The following PDE4D variants were observed in gnomAD, a reference collection of about 807,000 sequenced individuals.
The protein encoded by PDE4D is phosphodiesterase 4D, also known as 3',5'-cyclic-AMP phosphodiesterase 4D.
In PDE4D, 24 loss-of-function variants were observed where a neutral mutation model predicts 87.4. The ratio of observed to expected loss-of-function variants is 0.27; its 90% CI spans 0.20 to 0.39. PDE4D has a LOEUF of 0.39. PDE4D is among the 10% of genes least tolerant of loss of function. PDE4D has a pLI of 1.00. For missense variants in PDE4D, 714 were observed against 1,041.0 expected (o/e 0.69, Z 4.32); for synonymous variants, 384 against 383.2 (o/e 1.00, Z -0.02).
intron 5 of PDE4D, among the ~76,000 whole-genome samples, chr5:59,170,881 CTTT>C (rs1260829199): frequency 2.9e-5 from 4 of 138,546 alleles, no homozygotes; most frequent in Admixed American, 7.3e-5. Flanking sequence ...TATACTTTCA[CTTT>C]TTTTTTTTTT....
intron 1 of PDE4D, among the ~76,000 whole-genome samples, chr5:59,269,545 C>T (rs1017339613): frequency 3.9e-5 from 6 of 152,098 alleles, no homozygotes; most frequent in South Asian, 2.1e-4. Flanking sequence ...GACTCTCCCG[C>T]GGTAAGGCAG....
At chr5:60,127,301 A>C (rs1156542716) in intron 2 of PDE4D, among the ~76,000 whole-genome samples, 1 of 152,208 alleles carries the variant, frequency 6.6e-6, no homozygotes, top group East Asian at 1.9e-4. Flanking sequence ...AATAGTCTTA[A>C]GAACAATGGG....
At chr5:59,017,516 C>T (rs1490065804) in intron 6 of PDE4D, among the ~76,000 whole-genome samples, 5 of 152,154 alleles carry the variant, frequency 3.3e-5, no homozygotes, top group Non-Finnish European at 5.9e-5. Flanking sequence ...ATTTCTTACT[C>T]TTCAAAGACA....
intron 5 of PDE4D, among the ~76,000 whole-genome samples, chr5:59,042,670 GAAAT>G (rs1437731804): frequency 6.6e-6 from 1 of 152,212 alleles, no homozygotes; most frequent in African/African-American, 2.4e-5. Flanking sequence ...CAGCAACTGA[GAAAT>G]AAATTGAGCC....
At chr5:59,692,002 G>A (rs1452633378) in intron 1 of PDE4D, among the ~76,000 whole-genome samples, 2 of 152,028 alleles carry the variant, frequency 1.3e-5, no homozygotes, top group Non-Finnish European at 2.9e-5. Flanking sequence ...CTATAAGTAG[G>A]TCATAGATAT....
chr5:59,911,498 G>A (rs1753435193), intron 3 of PDE4D, among the ~76,000 whole-genome samples: 1 of 152,098 alleles, frequency 6.6e-6, no homozygotes, highest in South Asian at 2.1e-4. Context: ...CCCAGTCTCT[G>A]AATTTTCAGA....
At chr5:60,427,665 G>A (rs1405009328) in intron 1 of PDE4D, among the ~76,000 whole-genome samples, 1 of 152,182 alleles carries the variant, frequency 6.6e-6, no homozygotes, top group Non-Finnish European at 1.5e-5. Context: ...AAAGTAGTAT[G>A]TTTTCTTTCT....
rs1487109371 is a variant in PDE4D at position 59,225,304 on chromosome 5, A to G, written c.456-9336T>C. Among the ~76,000 whole-genome samples the G allele has an allele frequency of 2.0e-5, 3 of 152,236 alleles. No homozygotes were observed. In the East Asian group the frequency reaches 5.8e-4, roughly 29 times the overall value. On this transcript the variant is annotated intron_variant, in intron 1 of 14. Transcript: ENST00000340635. ...ATTCTGGACATCCTTGTCAAAGATC[A>G]GTTGACTGTGTATGTGTGAGTTTAT...
intron 2 of PDE4D, among the ~76,000 whole-genome samples, chr5:60,048,418 C>A (rs906478277): frequency 8.6e-5 from 13 of 151,962 alleles, no homozygotes; most frequent in African/African-American, 3.1e-4. Flanking sequence ...ACGATGTTAG[C>A]TGGCTATTTT....
chr5:59,096,239 C>G (rs1769690014), intron 5 of PDE4D, among the ~76,000 whole-genome samples: 1 of 152,110 alleles, frequency 6.6e-6, no homozygotes. Context: ...CACTGCTCCC[C>G]TTTCCCTTAA....
At chr5:59,083,482 A>G (rs1353749) in intron 5 of PDE4D, among the ~76,000 whole-genome samples, 66,113 of 151,672 alleles carry the variant, frequency 0.44, 15,458 homozygotes, top group East Asian at 0.76. Flanking sequence ...CTTTTCCATC[A>G]TATTTTATAT....
intron 2 of PDE4D, among the ~76,000 whole-genome samples, chr5:60,045,843 C>T (rs567396956): frequency 4.0e-4 from 61 of 152,200 alleles, no homozygotes; most frequent in Non-Finnish European, 1.6e-4. Flanking sequence ...CTTGGTGATG[C>T]GGGCTCTTTT....
intron 3 of PDE4D, among the ~76,000 whole-genome samples, chr5:59,958,465 C>G (rs1215701805): frequency 6.6e-6 from 1 of 152,116 alleles, no homozygotes; most frequent in Non-Finnish European, 1.5e-5. Context: ...ATTTGCATAT[C>G]TATTTATGTG....
rs1011776907 is a variant in PDE4D at position 60,430,074 on chromosome 5, G to C, written c.-90+57868C>G. Reference sequence around the variant, plus strand: ...TTCCTTTGGCCCAGACAGCTTTGTTGAGCCTGGTATCAAAGTGTGCATCTG... The same window carrying C: ...TTCCTTTGGCCCAGACAGCTTTGTTCAGCCTGGTATCAAAGTGTGCATCTG... On this transcript the variant is annotated intron_variant, in intron 1 of 16. Coordinates refer to the PDE4D transcript ENST00000502484. The C allele has an allele frequency of 5.7e-6, 3 of 523,758 alleles. No individual in the cohort carries two copies. In the African/African-American group the frequency reaches 5.8e-5, roughly 10 times the overall value. The allele number at this position is 523,758 out of a possible 1,614,324, so 32.4% of individuals were successfully genotyped here. A position where few individuals can be genotyped will look rare whatever the true frequency, so the allele number is the denominator to read the frequency against.
intron 1 of PDE4D, among the ~76,000 whole-genome samples, chr5:59,515,125 C>T (rs572316708): frequency 6.6e-6 from 1 of 152,156 alleles, no homozygotes; most frequent in Non-Finnish European, 1.5e-5. Context: ...CAACCATTCA[C>T]GATAAAAATG....
intron 1 of PDE4D, among the ~76,000 whole-genome samples, chr5:60,346,097 A>C (rs1758726728): frequency 6.6e-6 from 1 of 152,162 alleles, no homozygotes. Context: ...GGTTTGTAAA[A>C]ATCTTTAAAA....
At chr5:60,131,419 C>T (rs535053315) in intron 2 of PDE4D, among the ~76,000 whole-genome samples, 37 of 152,268 alleles carry the variant, frequency 2.4e-4, no homozygotes, top group African/African-American at 8.2e-4. Context: ...CAGTCTGTTG[C>T]GATATCCTTT....
At position 59,071,564 on chromosome 5, in the gene PDE4D, A is replaced by G. The variant is rs1215394323; in HGVS notation, c.809-32593T>C. ...GAGTTGTTTTTTTTTTTTCCATAGC[A>G]TCTGCTTTTGTTTCGTGGAAGCAAT... On this transcript the variant is annotated intron_variant, in intron 5 of 14. Coordinates refer to ENST00000340635, the MANE Select transcript of PDE4D (RefSeq NM_001104631.2). 8.0e-5 allele frequency among the ~76,000 whole-genome samples: 11 copies of G among 138,072 alleles called. No individual in the cohort carries two copies. The East Asian group carries it at 2.2e-3, about 28-fold the overall frequency. 90.6% of individuals were successfully genotyped at this position (138,072 alleles called of 152,430 possible).
intron 2 of PDE4D, among the ~76,000 whole-genome samples, chr5:60,038,322 C>A (rs1582302378): frequency 6.6e-6 from 1 of 152,108 alleles, no homozygotes; most frequent in Non-Finnish European, 1.5e-5. Flanking sequence ...GGAAGGGATC[C>A]AGTTTCAGCT....
Sources: gnomAD v4.1 joint callset for allele counts (sites outside exome capture counted in the v4.1 genomes callset) on GRCh38, gnomAD v4.1.1 for gene constraint, MANE v1.5 for transcripts, NCBI Gene and HGNC (gene_info 2026-07-23, HGNC 2026-07-21) for gene names.